The following ARHGAP24 variants were observed in gnomAD, a reference collection of about 807,000 sequenced individuals.
The protein encoded by ARHGAP24 is Rho GTPase activating protein 24.
A neutral mutation model predicts 76.4 loss-of-function variants in ARHGAP24; 50 were observed. The ratio of observed to expected loss-of-function variants is 0.65; its 90% CI spans 0.52 to 0.83. ARHGAP24 has a LOEUF of 0.83. Among genes scored for constraint, ARHGAP24 ranks in the 40% least tolerant of loss-of-function variants. The pLI is 0.00. For synonymous variants in ARHGAP24, 345 were observed against 323.3 expected, an observed-to-expected ratio of 1.07 and a Z score of -0.72; for missense variants, 930 against 914.2, an observed-to-expected ratio of 1.02 and a Z score of -0.22.
intron 3 of ARHGAP24, among the ~76,000 whole-genome samples, chr4:85,917,074 C>A (rs1024357754): frequency 3.3e-5 from 5 of 152,052 alleles, no homozygotes; most frequent in Non-Finnish European, 5.9e-5. Flanking sequence ...CCCTCCACCC[C>A]ACAACAGTCC....
intron 3 of ARHGAP24, among the ~76,000 whole-genome samples, chr4:85,837,001 T>C (rs1263239200): frequency 2.0e-5 from 3 of 152,180 alleles, no homozygotes; most frequent in African/African-American, 7.2e-5. Context: ...ACTGTGCTGA[T>C]GTGCAGGGAC....
chr4:85,820,926 T>A (rs1200049500), intron 3 of ARHGAP24, among the ~76,000 whole-genome samples: 1 of 152,156 alleles, frequency 6.6e-6, no homozygotes, highest in African/African-American at 2.4e-5. Flanking sequence ...CTATATCATA[T>A]TAATTTAAAA....
At chr4:85,982,473 C>T (rs77765097) in intron 8 of ARHGAP24, among the ~76,000 whole-genome samples, 3,257 of 152,088 alleles carry the variant, frequency 0.021, 137 homozygotes, top group African/African-American at 0.076. Context: ...GGGAAGGTCT[C>T]CCCATTCCCT....
At chr4:85,615,698 T>C (rs1720518328) in intron 2 of ARHGAP24, among the ~76,000 whole-genome samples, 1 of 152,190 alleles carries the variant, frequency 6.6e-6, no homozygotes, top group Non-Finnish European at 1.5e-5. Context: ...ATTAATCAAA[T>C]ATAAGCTCAC....
chr4:85,493,213 G>A (rs1242060193), intron 1 of ARHGAP24, among the ~76,000 whole-genome samples: 1 of 152,168 alleles, frequency 6.6e-6, no homozygotes, highest in African/African-American at 2.4e-5. Flanking sequence ...CTACTATAAA[G>A]TTGCTAGTTT....
intron 1 of ARHGAP24, among the ~76,000 whole-genome samples, chr4:85,510,362 G>T (rs140713991): frequency 1.1e-3 from 173 of 152,004 alleles, no homozygotes; most frequent in Middle Eastern, 0.01. Flanking sequence ...ACCAAATTTC[G>T]CACCTTCACA....
At chr4:85,648,638 A>G (rs923845505) in intron 2 of ARHGAP24, among the ~76,000 whole-genome samples, 1 of 152,154 alleles carries the variant, frequency 6.6e-6, no homozygotes, top group Non-Finnish European at 1.5e-5. Context: ...CAAATATGTC[A>G]TACAAGTGGA....
chr4:85,631,037 A>G (rs560078567), intron 2 of ARHGAP24, among the ~76,000 whole-genome samples: 2 of 152,092 alleles, frequency 1.3e-5, no homozygotes, highest in African/African-American at 4.8e-5. Flanking sequence ...TCTCTCTCTC[A>G]CAGAGAGAGA....
At chr4:85,586,651 G>A (rs1578057521) in intron 2 of ARHGAP24, among the ~76,000 whole-genome samples, 1 of 152,254 alleles carries the variant, frequency 6.6e-6, no homozygotes, top group East Asian at 1.9e-4. Context: ...TGTAATCCCA[G>A]CACTTTGGAA....
chr4:85,714,826 A>G (rs1560598231), intron 2 of ARHGAP24, among the ~76,000 whole-genome samples: 1 of 152,084 alleles, frequency 6.6e-6, no homozygotes. Context: ...TTCAGAAGCT[A>G]AGAAGAACTT....
intron 3 of ARHGAP24, among the ~76,000 whole-genome samples, chr4:85,746,323 A>C (rs772645620): frequency 6.6e-5 from 10 of 152,148 alleles, no homozygotes; most frequent in Non-Finnish European, 1.0e-4. Context: ...CCTTCTTTTG[A>C]GTATCTGACT....
At chr4:85,758,065 A>AG (rs1726584512) in intron 3 of ARHGAP24, among the ~76,000 whole-genome samples, 1 of 151,994 alleles carries the variant, frequency 6.6e-6, no homozygotes, top group Admixed American at 6.6e-5. Context: ...AGAAGGGGGA[A>AG]AAAAAAGCCT....
At chr4:85,850,647 T>G (rs2110161667) in intron 3 of ARHGAP24, among the ~76,000 whole-genome samples, 1 of 152,352 alleles carries the variant, frequency 6.6e-6, no homozygotes, top group South Asian at 2.1e-4. Flanking sequence ...TGGTACATTG[T>G]GTCTTTGTTC....
chr4:85,927,612 G>A lies in ARHGAP24; in HGVS notation c.391+3842G>A, dbSNP rs116673365. ...AACCCAGGCCCTGTTAATACTAAATGAAAAGCACTTGATTAGATGGTATCT... is the reference window on the plus strand; with the variant it reads ...AACCCAGGCCCTGTTAATACTAAATAAAAAGCACTTGATTAGATGGTATCT... On this transcript the variant is annotated intron_variant, in intron 4 of 9. Coordinates refer to ENST00000395184, the MANE Select transcript of ARHGAP24 (RefSeq NM_001025616.3). Among the ~76,000 whole-genome samples, 145 of 152,260 alleles carry A rather than the reference G, an allele frequency of 9.5e-4. 1 individual carries two copies. The highest frequency in any genetic ancestry group is 1.8e-3 in the Non-Finnish European group (121 of 68,002).
intron 1 of ARHGAP24, among the ~76,000 whole-genome samples, chr4:85,503,876 A>G (rs2110100983): frequency 6.6e-6 from 1 of 152,340 alleles, no homozygotes; most frequent in East Asian, 1.9e-4. Context: ...TTCCCTGTAC[A>G]CACTGCTTTA....
intron 1 of ARHGAP24, among the ~76,000 whole-genome samples, chr4:85,518,497 G>C (rs1246142128): frequency 1.3e-5 from 2 of 152,046 alleles, no homozygotes; most frequent in African/African-American, 2.4e-5. Context: ...CATATTTGTA[G>C]TCTTTTATGC....
chr4:85,785,531 G>A (rs1400553053), intron 3 of ARHGAP24, among the ~76,000 whole-genome samples: 1 of 65,476 alleles, frequency 1.5e-5, no homozygotes, highest in Non-Finnish European at 3.3e-5. Flanking sequence ...AGCAAGAAAA[G>A]TAAAACAGAT....
chr4:85,533,191 C>G (rs1329755054), intron 1 of ARHGAP24, among the ~76,000 whole-genome samples: 1 of 152,128 alleles, frequency 6.6e-6, no homozygotes, highest in Non-Finnish European at 1.5e-5. Context: ...TGATAAACCT[C>G]AAGGGAAATG....
At position 85,698,618 on chromosome 4, in the gene ARHGAP24, C is replaced by T. The variant is rs141742497; in HGVS notation, c.181-23267C>T. Reference sequence around the variant, plus strand: ...ATCATAGACCAGGTGGCTCAAACAACAGACATTTATTTTCTCACAGTTCTG... The same window carrying T: ...ATCATAGACCAGGTGGCTCAAACAATAGACATTTATTTTCTCACAGTTCTG... On this transcript the variant is annotated intron_variant, in intron 2 of 9. Transcript: ENST00000395184. 1.9e-4 allele frequency among the ~76,000 whole-genome samples: 29 copies of T among 152,292 alleles called. No individual in the cohort carries two copies. In the East Asian group the frequency reaches 5.6e-3, roughly 29 times the overall value.
Sources: allele counts gnomAD v4.1 joint callset (sites outside exome capture counted in the v4.1 genomes callset), GRCh38; gene constraint gnomAD v4.1.1; transcripts MANE v1.5; gene names NCBI Gene and HGNC (gene_info 2026-07-23, HGNC 2026-07-21).